NRG1: variants seen among roughly 807,000 people sequenced by gnomAD.
NRG1 encodes the protein neuregulin 1, also known as pro-neuregulin-1, membrane-bound isoform.
NRG1 carries 18 observed loss-of-function variants against 63.8 expected under a neutral mutation model. That is an observed-to-expected ratio of 0.28 (90% CI 0.19 to 0.42). The LOEUF (loss-of-function observed/expected upper bound fraction) is 0.42. Among genes scored for constraint, NRG1 ranks in the 10% least tolerant of loss-of-function variants. The probability of loss-of-function intolerance (pLI) is 1.00; values close to 1 mark genes in which losing one functional copy is unlikely to be tolerated. For missense variants in NRG1, 762 were observed against 814.7 expected, an observed-to-expected ratio of 0.94 and a Z score of 0.79; for synonymous variants, 302 against 301.3, an observed-to-expected ratio of 1.00 and a Z score of -0.02.
At chr8:31,809,296 A>G (rs937846216) in intron 1 of NRG1, among the ~76,000 whole-genome samples, 4 of 148,800 alleles carry the variant, frequency 2.7e-5, no homozygotes, top group African/African-American at 4.9e-5. Context: ...CTAAAGATGT[A>G]TATCTTTTCC....
At chr8:31,885,846 G>A (rs2129613293) in intron 1 of NRG1, among the ~76,000 whole-genome samples, 1 of 152,182 alleles carries the variant, frequency 6.6e-6, no homozygotes, top group African/African-American at 2.4e-5. Context: ...TTACTCCATG[G>A]TCTTGAATTT....
At chr8:31,859,484 A>G (rs1828265062) in intron 1 of NRG1, among the ~76,000 whole-genome samples, 1 of 152,174 alleles carries the variant, frequency 6.6e-6, no homozygotes. Context: ...CTGAGAGTAT[A>G]CCTAACATAG....
chr8:32,110,674 T>C (rs1831895162), intron 1 of NRG1, among the ~76,000 whole-genome samples: 1 of 152,114 alleles, frequency 6.6e-6, no homozygotes, highest in South Asian at 2.1e-4. Context: ...TGATCTAAGG[T>C]TGAATGATGT....
chr8:32,304,465 TTAAA>T (rs1377409781), intron 1 of NRG1, among the ~76,000 whole-genome samples: 15 of 152,284 alleles, frequency 9.9e-5, no homozygotes, highest in Admixed American at 2.0e-4. Flanking sequence ...CAATTTTTAA[TTAAA>T]TAAATTTATA....
intron 1 of NRG1, among the ~76,000 whole-genome samples, chr8:31,947,020 G>T (rs1396595329): frequency 6.6e-6 from 1 of 152,224 alleles, no homozygotes; most frequent in East Asian, 1.9e-4. Flanking sequence ...AATGGATATG[G>T]CCGGGCGCGG....
intron 1 of NRG1, among the ~76,000 whole-genome samples, chr8:32,187,748 A>G (rs79691535): frequency 2.2e-5 from 3 of 135,940 alleles, no homozygotes; most frequent in South Asian, 2.2e-4. Context: ...TCCAGCCAAG[A>G]AAAAAAAAAA....
At chr8:32,046,085 A>T (rs1048975419) in intron 1 of NRG1, among the ~76,000 whole-genome samples, 5 of 151,652 alleles carry the variant, frequency 3.3e-5, no homozygotes, top group Admixed American at 1.3e-4. Context: ...GAAAACTCTT[A>T]AAAATCAATG....
chr8:32,428,979 A>G (rs565710599), intron 1 of NRG1, among the ~76,000 whole-genome samples: 1 of 152,300 alleles, frequency 6.6e-6, no homozygotes, highest in East Asian at 1.9e-4. Context: ...AAATTAGTGT[A>G]ACATACATAA....
chr8:32,074,992 G>T (rs2131076126), intron 1 of NRG1, among the ~76,000 whole-genome samples: 1 of 152,276 alleles, frequency 6.6e-6, no homozygotes, highest in South Asian at 2.1e-4. Context: ...TTTGTGGTGT[G>T]CCTTTAGGCA....
rs373654075 is a variant in NRG1 at position 31,787,102 on chromosome 8, G to A, written c.37+147671G>A. ...AAATACATAGTTTGGAGGCTCCACT[G>A]ATTTTCAGTGTGGTACCCCAGGAAA... On this transcript the variant is annotated intron_variant, in intron 1 of 10. Transcript: ENST00000519301. Among the ~76,000 whole-genome samples, 16 of 152,258 alleles carry A rather than the reference G, an allele frequency of 1.1e-4. 1 individual carries two copies. Among genetic ancestry groups the A allele is most frequent in the African/African-American group, 3.6e-4 (15 of 41,572 alleles).
At chr8:32,573,235 T>C (rs758798800) in intron 1 of NRG1, among the ~76,000 whole-genome samples, 1 of 152,254 alleles carries the variant, frequency 6.6e-6, no homozygotes, top group African/African-American at 2.4e-5. Context: ...GATGAAATTC[T>C]ACAGATGTTC....
chr8:32,272,701 A>G (rs1315181665), intron 1 of NRG1, among the ~76,000 whole-genome samples: 1 of 152,172 alleles, frequency 6.6e-6, no homozygotes, highest in Non-Finnish European at 1.5e-5. Flanking sequence ...AAATCAACCT[A>G]TAACTCACCC....
intron 1 of NRG1, among the ~76,000 whole-genome samples, chr8:32,256,837 T>C (rs947833812): frequency 5.3e-5 from 8 of 152,164 alleles, no homozygotes; most frequent in Non-Finnish European, 1.2e-4. Context: ...GCTGCTCTCT[T>C]CAGAGCCGGC....
intron 5 of NRG1, among the ~76,000 whole-genome samples, chr8:32,708,666 A>G (rs1251748331): frequency 6.6e-6 from 1 of 152,232 alleles, no homozygotes; most frequent in African/African-American, 2.4e-5. Context: ...TTTACAGGTT[A>G]TTGTGAGAGC....
intron 1 of NRG1, among the ~76,000 whole-genome samples, chr8:32,091,581 T>C (rs1468566455): frequency 6.6e-6 from 1 of 152,196 alleles, no homozygotes; most frequent in Non-Finnish European, 1.5e-5. Flanking sequence ...TTTGTTTTTC[T>C]CACACTGCTG....
At chr8:32,584,743 A>G (rs954256322) in intron 1 of NRG1, among the ~76,000 whole-genome samples, 1 of 152,240 alleles carries the variant, frequency 6.6e-6, no homozygotes, top group African/African-American at 2.4e-5. Flanking sequence ...CACAGAAGGA[A>G]TAAGCTTTAA....
chr8:32,209,777 C>CCTTG, intron 1 of NRG1, among the ~76,000 whole-genome samples: 1 of 148,220 alleles, frequency 6.7e-6, no homozygotes, highest in East Asian at 2.0e-4. Flanking sequence ...TTCCTTCCTT[C>CCTTG]TTACTTTCTT....
At chr8:32,612,664 G>C (rs1192736369) in intron 3 of NRG1, among the ~76,000 whole-genome samples, 1 of 152,000 alleles carries the variant, frequency 6.6e-6, no homozygotes. Flanking sequence ...GCTGGAGATA[G>C]AAAAGTTCTG....
intron 1 of NRG1, among the ~76,000 whole-genome samples, chr8:32,073,819 C>T (rs2131063832): frequency 6.6e-6 from 1 of 152,242 alleles, no homozygotes; most frequent in South Asian, 2.1e-4. Flanking sequence ...TGGAGTTTAT[C>T]CCTATGCAGG....
Sources: gnomAD v4.1 joint callset for allele counts (sites outside exome capture counted in the v4.1 genomes callset) on GRCh38, gnomAD v4.1.1 for gene constraint, MANE v1.5 for transcripts, NCBI Gene and HGNC (gene_info 2026-07-23, HGNC 2026-07-21) for gene names.